Variants in ZBTB2 observed in about 807,000 individuals in gnomAD.
ZBTB2 encodes zinc finger and BTB domain-containing protein 2.
Under a neutral mutation model 39.5 loss-of-function variants are expected in ZBTB2, and 2 were observed. That is an observed-to-expected ratio of 0.05 (90% CI 0.02 to 0.16). The LOEUF is 0.16. Among genes scored for constraint, ZBTB2 ranks in the 10% least tolerant of loss-of-function variants. The pLI is 1.00. For synonymous variants in ZBTB2, 251 were observed against 256.6 expected, an observed-to-expected ratio of 0.98 and a Z score of 0.21; for missense variants, 391 against 653.0, an observed-to-expected ratio of 0.60 and a Z score of 4.37.
At chr6:151,370,289 C>T (rs911458100) in intron 2 of ZBTB2, 2 of 153,810 alleles carry the variant, frequency 1.3e-5, no homozygotes, top group Admixed American at 6.6e-5. Flanking sequence ...GTGCACGCCA[C>T]GATGCCCGGC....
intron 1 of ZBTB2, among the ~76,000 whole-genome samples, chr6:151,377,537 T>TA (rs1778941838): frequency 9.5e-6 from 1 of 105,306 alleles, no homozygotes; most frequent in Non-Finnish European, 1.8e-5. Context: ...TCTGGCTAAT[T>TA]TTTTTTTTTT....
At chr6:151,390,549 T>G (rs1271681995) in intron 1 of ZBTB2, among the ~76,000 whole-genome samples, 2 of 144,992 alleles carry the variant, frequency 1.4e-5, no homozygotes, top group East Asian at 2.1e-4. Context: ...GGGGCGGGGG[T>G]GGCCCAGACA....
At chr6:151,379,637 GAAAAAAAAAAAA>G (rs61085296) in intron 1 of ZBTB2, among the ~76,000 whole-genome samples, 2 of 65,928 alleles carry the variant, frequency 3.0e-5, no homozygotes, top group African/African-American at 5.6e-5. Context: ...GACCCTGTCT[GAAAAAAAAAAAA>G]AAAAAAAAAA....
rs968195363 is a variant in ZBTB2 at position 151,379,008 on chromosome 6, G to A, written c.-12-5359C>T. On this transcript the variant is annotated intron_variant, in intron 1 of 2. Transcript: ENST00000325144. The stretch of plus-strand genomic sequence containing the variant: ...CATTCAATAAGTAGGCTTTAAACTG[G>A]GATTCACTTGGTTAGTTGGAATGTG... Among the ~76,000 whole-genome samples the A allele has an allele frequency of 3.3e-5, 5 of 152,166 alleles. No individual in the cohort carries two copies. In the South Asian group the frequency reaches 8.3e-4, roughly 25 times the overall value.
chr6:151,379,263 CATTT>C (rs1453396689), intron 1 of ZBTB2, among the ~76,000 whole-genome samples: 2 of 152,050 alleles, frequency 1.3e-5, no homozygotes, highest in South Asian at 4.1e-4. Context: ...CTTATTTTTA[CATTT>C]ATTGACCATT....
chr6:151,367,248 G>A (rs1778670898), intron 2 of ZBTB2, among the ~76,000 whole-genome samples: 1 of 151,932 alleles, frequency 6.6e-6, no homozygotes, highest in Non-Finnish European at 1.5e-5. Context: ...AGCCTCCCGA[G>A]TAGCTGGGAT....
intron 1 of ZBTB2, among the ~76,000 whole-genome samples, chr6:151,388,381 C>A (rs939142539): frequency 6.6e-6 from 1 of 152,162 alleles, no homozygotes; most frequent in Non-Finnish European, 1.5e-5. Context: ...GCTGCTGATC[C>A]CAGGCCGATG....
rs367968053 is a variant in ZBTB2, at chr6:151,375,860, C to T, written c.-12-2211G>A. On this transcript the variant is annotated intron_variant, in intron 1 of 2. Coordinates refer to ENST00000325144, the MANE Select transcript of ZBTB2 (RefSeq NM_020861.3). ...CTGGGATTACAGGTGTGAGCCAACACGCCTGGCCTAAAATAATTTTTAAAA... is the reference window on the plus strand; with the variant it reads ...CTGGGATTACAGGTGTGAGCCAACATGCCTGGCCTAAAATAATTTTTAAAA... Among the ~76,000 whole-genome samples, 21 of 152,224 alleles carry T rather than the reference C, an allele frequency of 1.4e-4. No individual in the cohort carries two copies. In the South Asian group the frequency reaches 1.5e-3, roughly 11 times the overall value.
intron 2 of ZBTB2, among the ~76,000 whole-genome samples, chr6:151,367,108 T>C (rs1417198731): frequency 6.6e-6 from 1 of 151,990 alleles, no homozygotes; most frequent in Non-Finnish European, 1.5e-5. Flanking sequence ...GAGCAGTTTT[T>C]CTCCTAGTAA....
chr6:151,380,595 A>T (rs1421742562), intron 1 of ZBTB2, among the ~76,000 whole-genome samples: 4 of 152,034 alleles, frequency 2.6e-5, no homozygotes, highest in Non-Finnish European at 5.9e-5. Context: ...CAAGATCACC[A>T]AGGACCTTGT....
intron 1 of ZBTB2, among the ~76,000 whole-genome samples, chr6:151,388,916 A>T (rs1484960674): frequency 6.6e-6 from 1 of 152,206 alleles, no homozygotes; most frequent in Non-Finnish European, 1.5e-5. Context: ...ACTGTAGGAC[A>T]AAGTTTTAGG....
chr6:151,382,479 T>C (rs1779056324), intron 1 of ZBTB2, among the ~76,000 whole-genome samples: 1 of 151,662 alleles, frequency 6.6e-6, no homozygotes, highest in Non-Finnish European at 1.5e-5. Context: ...GGTTTCGAAC[T>C]CCCGACCTCA....
chr6:151,378,457 C>A (rs1778962983), intron 1 of ZBTB2, among the ~76,000 whole-genome samples: 1 of 152,126 alleles, frequency 6.6e-6, no homozygotes. Context: ...AGGAGAGGCA[C>A]AGAAAAGGCA....
intron 1 of ZBTB2, among the ~76,000 whole-genome samples, chr6:151,385,116 G>A (rs1779124826): frequency 6.6e-6 from 1 of 152,264 alleles, no homozygotes; most frequent in South Asian, 2.1e-4. Flanking sequence ...AGGAACTGAA[G>A]AAAAGTAGCA....
At chr6:151,382,622 G>A (rs1431413510) in intron 1 of ZBTB2, among the ~76,000 whole-genome samples, 1 of 149,160 alleles carries the variant, frequency 6.7e-6, no homozygotes, top group African/African-American at 2.5e-5. Flanking sequence ...GCGCAATCTT[G>A]GCTCACTGCA....
At chr6:151,373,785 A>T in intron 1 of ZBTB2, 136 bp from the exon 2 acceptor site, 6 of 615,462 alleles carry the variant, frequency 9.7e-6, no homozygotes, top group Non-Finnish European at 1.3e-5. Context: ...AACGTTACAC[A>T]GATTAACTCA....
chr6:151,377,390 C>CA (rs1562768119), intron 1 of ZBTB2, among the ~76,000 whole-genome samples: 1 of 145,780 alleles, frequency 6.9e-6, no homozygotes, highest in African/African-American at 2.7e-5. Context: ...TTTTTTGAGA[C>CA]AGAGTTTCGC....
chr6:151,369,822 A>T (rs1295222859), intron 2 of ZBTB2, among the ~76,000 whole-genome samples: 1 of 151,982 alleles, frequency 6.6e-6, no homozygotes, highest in East Asian at 1.9e-4. Context: ...AAAATACAAA[A>T]ATTAGCCGGG....
At chr6:151,377,265 A>G (rs1382230049) in intron 1 of ZBTB2, among the ~76,000 whole-genome samples, 1 of 151,952 alleles carries the variant, frequency 6.6e-6, no homozygotes, top group African/African-American at 2.4e-5. Context: ...ATACTGTACT[A>G]TAGTTTGCAA....
Sources: allele counts gnomAD v4.1 joint callset (sites outside exome capture counted in the v4.1 genomes callset), GRCh38; gene constraint gnomAD v4.1.1; transcripts MANE v1.5; gene names NCBI Gene and HGNC (gene_info 2026-07-23, HGNC 2026-07-21).